HPS1: variants seen among roughly 807,000 people sequenced by gnomAD.
HPS1 encodes the protein BLOC-3 complex member HPS1.
Under a neutral mutation model 90.6 loss-of-function variants are expected in HPS1, and 59 were observed. The observed-to-expected ratio is 0.65, with a 90% CI of 0.53 to 0.81. The LOEUF (loss-of-function observed/expected upper bound fraction) is 0.81, where lower values mean the gene tolerates loss of function less well. HPS1 is among the 30% of genes least tolerant of loss of function. The pLI, the probability that HPS1 is intolerant of heterozygous loss-of-function variation, is 0.00. For synonymous variants in HPS1, 388 were observed against 384.4 expected, an observed-to-expected ratio of 1.01 and a Z score of -0.11; for missense variants, 849 against 896.7, an observed-to-expected ratio of 0.95 and a Z score of 0.68.
chr10:98,429,947 C>A (rs1367966747), intron 8 of HPS1, 58 bp from the exon 9 acceptor site: 6 of 1,480,226 alleles, frequency 4.1e-6, no homozygotes, highest in Non-Finnish European at 5.6e-6. Flanking sequence ...CCCTCCACCC[C>A]TTCTGCCTCC....
chr10:98,429,075 C>G, intron 10 of HPS1: 1 of 295,692 alleles, frequency 3.4e-6, no homozygotes, highest in Non-Finnish European at 5.4e-6. Flanking sequence ...CTCCTGACCT[C>G]AGGTGATCTA....
chr10:98,426,298 C>T (rs570379715), intron 11 of HPS1, among the ~76,000 whole-genome samples: 7 of 152,134 alleles, frequency 4.6e-5, no homozygotes, highest in Admixed American at 1.3e-4. Context: ...GGGGAGTGGA[C>T]GGGGAGAGGT....
rs1391731008 is a variant in HPS1 at position 98,431,126 on chromosome 10, C to T, written c.668+5G>A. ...TAGCCACCACATGCCAGACCTTGAGCTCACCTAGAGTAGAATGCCAGCAGC... is the reference window on the plus strand; with the variant it reads ...TAGCCACCACATGCCAGACCTTGAGTTCACCTAGAGTAGAATGCCAGCAGC... On this transcript the variant is annotated splice_donor_5th_base_variant and intron_variant, in intron 7 of 19. Coordinates refer to ENST00000361490, the MANE Select transcript of HPS1 (RefSeq NM_000195.5). The T allele has an allele frequency of 2.5e-6, 4 of 1,613,878 alleles. No homozygotes were observed. Among genetic ancestry groups the T allele is most frequent in the Non-Finnish European group, 3.4e-6 (4 of 1,179,950 alleles).
chr10:98,430,789 G>A (rs1488786753), intron 7 of HPS1, 119 bp from the exon 8 acceptor site: 9 of 793,678 alleles, frequency 1.1e-5, no homozygotes, highest in East Asian at 2.7e-5. Context: ...TTCTGGAGAT[G>A]GGCAAGGCAC....
chr10:98,419,653 T>C (rs1223290162), intron 18 of HPS1, among the ~76,000 whole-genome samples: 2 of 152,200 alleles, frequency 1.3e-5, no homozygotes, highest in African/African-American at 4.8e-5. Flanking sequence ...CAGGGGCCTA[T>C]GCTCTTGAGT....
At chr10:98,429,222 A>G in intron 10 of HPS1, 3 of 1,058,500 alleles carry the variant, frequency 2.8e-6, no homozygotes, top group Non-Finnish European at 3.6e-6. Flanking sequence ...GATGCTGAAT[A>G]TATTTTAGAA....
chr10:98,434,655 C>T (rs758142871), intron 5 of HPS1, among the ~76,000 whole-genome samples: 1 of 151,930 alleles, frequency 6.6e-6, no homozygotes, highest in Admixed American at 6.6e-5. Context: ...CTTCACACTC[C>T]GCAGCTTCCC....
rs766270481 is a variant in HPS1 at position 98,425,762 on chromosome 10, T to C, written c.1156-42A>G. The C allele has an allele frequency of 2.5e-6, 4 of 1,598,450 alleles. No individual in the cohort carries two copies. The South Asian group carries it at 4.5e-5, about 18-fold the overall frequency. ...AGAGGCGGGTGAACGGGGCTGCCCC[T>C]GGGGAAGACGTGCCAACCCTAAGCA... is the stretch of plus-strand genomic sequence containing the variant. On this transcript the variant is annotated intron_variant, in intron 12 of 19. Coordinates refer to ENST00000361490, the MANE Select transcript of HPS1 (RefSeq NM_000195.5).
intron 18 of HPS1, among the ~76,000 whole-genome samples, chr10:98,418,908 A>G (rs956200392): frequency 4.6e-5 from 7 of 152,208 alleles, no homozygotes; most frequent in Non-Finnish European, 7.3e-5. Flanking sequence ...GGTCACAGGA[A>G]TTTTCTAGCA....
chr10:98,428,838 G>GT (rs1408848846), intron 10 of HPS1, among the ~76,000 whole-genome samples: 2 of 149,246 alleles, frequency 1.3e-5, no homozygotes, highest in South Asian at 4.4e-4. Flanking sequence ...AATATTTGTA[G>GT]TTTTGTTTTG....
In HPS1 at chr10:98,435,236, G is replaced by C. The variant is rs200207830; in HGVS notation, c.398+36C>G. On this transcript the variant is annotated intron_variant, in intron 5 of 19. Transcript: ENST00000361490. This position sits in a 1 kb window ranked among gnomAD's most constrained non-coding sequence, Gnocchi z 4.3. Reference sequence around the variant, plus strand: ...GCTGCCTGGCCCAGCGAGGGTGCTCGGCAAAGGACAGAGGGGACCAGCTTT... The same window carrying C: ...GCTGCCTGGCCCAGCGAGGGTGCTCCGCAAAGGACAGAGGGGACCAGCTTT... 2.9e-5 allele frequency: 47 copies of C among 1,613,382 alleles called. 1 individual carries two copies. In the Admixed American group the frequency reaches 6.2e-4, roughly 21 times the overall value.
At chr10:98,429,321 A>G in intron 10 of HPS1, 1 of 1,425,376 alleles carries the variant, frequency 7.0e-7, no homozygotes, top group Non-Finnish European at 9.2e-7. Context: ...CATGTACAGA[A>G]GTTTTAAATG....
chr10:98,425,864 T>C lies in HPS1; in HGVS notation c.1109A>G (p.Tyr370Cys), dbSNP rs376460565. 1.9e-6 allele frequency: 3 copies of C among 1,613,948 alleles called. No homozygotes were observed. The highest frequency in any genetic ancestry group is 1.3e-5 in the African/African-American group (1 of 74,922). The change falls in exon 12 of 20, where the codon TAC becomes TGC. Residue 370 changes from tyrosine to cysteine, a missense_variant. By Grantham distance (194) the Tyr-to-Cys change is radical. Coordinates refer to ENST00000361490, the MANE Select transcript of HPS1 (RefSeq NM_000195.5). The stretch of plus-strand genomic sequence containing the variant: ...GATGCCCTGCCACAGGGGCAGGCAG[T>C]ACATGGTGTGGGGCACTAGGGGGCA... ...SYCPLVPHTM[Y>C]CLPLWQGINL...
rs1845515535 is a variant in HPS1, at chr10:98,425,719, C to A, written c.1157G>T (p.Ser386Ile). The change falls in exon 13 of 20, where the codon AGC (serine) becomes ATC (isoleucine). Residue 386 changes from serine (S) to isoleucine (I), a missense_variant and splice_region_variant. By Grantham distance (142) the Ser-to-Ile change is moderately radical (BLOSUM62 -2). Coordinates refer to ENST00000361490, the MANE Select transcript of HPS1 (RefSeq NM_000195.5). ...QGINLVLLTRSPSAPLALVLS... is the reference protein window; with the variant it reads ...QGINLVLLTRIPSAPLALVLS... Reference sequence around the variant, plus strand: ...AACCAGGGCCAGGGGCGCGCTGGGGCTCTGAGGGTAAGGGCCGAGAGGCGG... The same window carrying A: ...AACCAGGGCCAGGGGCGCGCTGGGGATCTGAGGGTAAGGGCCGAGAGGCGG... 1 of 1,608,410 alleles carries A rather than the reference C, an allele frequency of 6.2e-7. No individual in the cohort carries two copies. Among genetic ancestry groups the A allele is most frequent in the Non-Finnish European group, 8.5e-7 (1 of 1,176,434 alleles).
chr10:98,418,321 C>A, intron 18 of HPS1, 64 bp from the exon 19 acceptor site: 1 of 912,926 alleles, frequency 1.1e-6, no homozygotes, highest in South Asian at 1.7e-5. Context: ...GTCAGACGCA[C>A]CGGGCTTGCG....
intron 7 of HPS1, among the ~76,000 whole-genome samples, 160 bp from the exon 8 acceptor site, chr10:98,430,830 A>G (rs1340718457): frequency 6.6e-6 from 1 of 152,220 alleles, no homozygotes; most frequent in Admixed American, 6.5e-5. Flanking sequence ...TCAAATTTCA[A>G]AATAAAACTT....
At chr10:98,436,755 G>A (rs1453322234) in intron 3 of HPS1, among the ~76,000 whole-genome samples, 47 of 152,220 alleles carry the variant, frequency 3.1e-4, no homozygotes, top group East Asian at 1.9e-4. Flanking sequence ...TTCAGGAGAC[G>A]TGAATGAAAT....
intron 3 of HPS1, among the ~76,000 whole-genome samples, chr10:98,437,279 G>A (rs1847478077): frequency 6.6e-6 from 1 of 152,024 alleles, no homozygotes; most frequent in South Asian, 2.1e-4. Context: ...CCACAGATAG[G>A]CGAGAATTCC....
chr10:98,419,156 C>T lies in HPS1; in HGVS notation c.1857+889G>A, dbSNP rs1247798894. ...AACTGAGAGAACAGTGGTGGAGAGC[C>T]CCAGTAACCGCCCTGCCCTATGGAA... On this transcript the variant is annotated intron_variant, in intron 18 of 19. Transcript: ENST00000361490. 2.0e-5 allele frequency among the ~76,000 whole-genome samples: 3 copies of T among 151,786 alleles called. No homozygotes were observed. In the East Asian group the frequency reaches 5.9e-4, roughly 30 times the overall value.
Sources: gnomAD v4.1 joint callset for allele counts (sites outside exome capture counted in the v4.1 genomes callset) on GRCh38, gnomAD v4.1.1 for gene constraint, Gnocchi (gnomAD v3.1) non-coding constraint, MANE v1.5 for transcripts, NCBI Gene and HGNC (gene_info 2026-07-23, HGNC 2026-07-21) for gene names.